The following COL5A1 variants were observed in gnomAD, a reference collection of about 807,000 sequenced individuals.
COL5A1 encodes the protein collagen type V alpha 1 chain, also known as collagen alpha-1(V) chain.
In COL5A1, 16 loss-of-function variants were observed where a neutral mutation model predicts 263.7. The ratio of observed to expected loss-of-function variants is 0.06; its 90% CI spans 0.04 to 0.09. The LOEUF (loss-of-function observed/expected upper bound fraction) is 0.09. COL5A1 is among the 10% of genes least tolerant of loss of function. COL5A1 has a pLI of 1.00. For synonymous variants in COL5A1, 1,012 were observed against 1,004.5 expected, an observed-to-expected ratio of 1.01 and a Z score of -0.14; for missense variants, 2,036 against 2,540.5, an observed-to-expected ratio of 0.80 and a Z score of 4.27.
chr9:134,784,910 T>A, intron 29 of COL5A1, 79 bp from the exon 30 acceptor site: 1 of 1,224,694 alleles, frequency 8.2e-7, no homozygotes, highest in Non-Finnish European at 1.2e-6. Flanking sequence ...GTCCCCTTGC[T>A]CCTTGCTCTC....
At chr9:134,701,591 G>A (rs776045433) in intron 4 of COL5A1, among the ~76,000 whole-genome samples, 44 of 152,342 alleles carry the variant, frequency 2.9e-4, no homozygotes, top group Admixed American at 2.4e-3. Context: ...GGCCCAGTAC[G>A]TGAGTCTCCT....
At chr9:134,750,947 G>A (rs1328338726) in intron 13 of COL5A1, 65 bp downstream of exon 13, 13 of 1,391,212 alleles carry the variant, frequency 9.3e-6, no homozygotes, top group Non-Finnish European at 1.3e-5. Flanking sequence ...GCCAACAGGA[G>A]TGAGTGAGTC....
chr9:134,820,193 C>T lies in COL5A1; in HGVS notation c.4524C>T (p.Pro1508=). Residue 1508 remains proline, a synonymous_variant, in exon 58 of 66, where the codon CCC becomes CCT. Coordinates refer to ENST00000371817, the MANE Select transcript of COL5A1 (RefSeq NM_000093.5). ...AGGGCGACCGTGGTCTCCCTGGCCC[C>T]CAGGGCTCCTCCGGTCCTAAGGGAG... The part of the protein sequence containing the change: ...GEKGDRGLPG[P]QGSSGPKGEQ... 1 of 1,613,978 alleles carries T rather than the reference C, an allele frequency of 6.2e-7. No homozygotes were observed. Among genetic ancestry groups the T allele is most frequent in the Non-Finnish European group, 8.5e-7 (1 of 1,180,006 alleles).
intron 27 of COL5A1, among the ~76,000 whole-genome samples, chr9:134,777,093 T>C (rs1293360593): frequency 6.6e-6 from 1 of 152,228 alleles, no homozygotes; most frequent in African/African-American, 2.4e-5. Context: ...TTGAGTTCAC[T>C]GACCTTTAGC....
intron 1 of COL5A1, among the ~76,000 whole-genome samples, chr9:134,666,950 G>A (rs527642831): frequency 6.6e-6 from 1 of 152,232 alleles, no homozygotes; most frequent in Non-Finnish European, 1.5e-5. Flanking sequence ...GGATGGGGAT[G>A]ACATGACCCC....
chr9:134,830,284 G>T, intron 64 of COL5A1: 3 of 1,139,506 alleles, frequency 2.6e-6, no homozygotes, highest in Middle Eastern at 2.8e-4. Context: ...CACCGCTCTT[G>T]CCAAACCGCT....
chr9:134,728,672 C>T lies in COL5A1; in HGVS notation c.789C>T (p.Tyr263=), dbSNP rs1834747250. Residue 263 remains tyrosine (Y), a splice_region_variant and synonymous_variant, in exon 6 of 66, where the codon TAC becomes TAT. Transcript: ENST00000371817. ...QSQDPNPDEY[Y]TEGDGEGETY... ...ACGGGGCCGCAATTCGCTTTCAGTA[C>T]ACGGAAGGAGACGGCGAGGGTGAGA... The T allele has an allele frequency of 1.9e-6, 3 of 1,614,070 alleles. No homozygotes were observed. In the East Asian group the frequency reaches 6.7e-5, roughly 36 times the overall value.
chr9:134,746,856 G>C (rs1221346703), intron 11 of COL5A1, among the ~76,000 whole-genome samples: 2 of 152,264 alleles, frequency 1.3e-5, no homozygotes, highest in Non-Finnish European at 2.9e-5. Flanking sequence ...TGACCTGTGT[G>C]TGGGCCTGCT....
rs372354538 is a variant in COL5A1 at position 134,691,117 on chromosome 9, C to T, written c.277+38C>T. 5.3e-5 allele frequency: 86 copies of T among 1,610,096 alleles called. No individual in the cohort carries two copies. The African/African-American group carries it at 8.0e-4, about 15-fold the overall frequency. On this transcript the variant is annotated intron_variant, in intron 2 of 65. Coordinates refer to ENST00000371817, the MANE Select transcript of COL5A1 (RefSeq NM_000093.5). ...CCCTTCTGTTTGGGGCGGTGGGTCC[C>T]GTTGGCCCTCTGGCCTCCAGCCAGG...
intron 63 of COL5A1, among the ~76,000 whole-genome samples, chr9:134,827,616 C>T (rs957047268): frequency 4.6e-5 from 7 of 152,208 alleles, no homozygotes; most frequent in Non-Finnish European, 7.3e-5. Context: ...CCTGGGAAGC[C>T]GCGGCTGGTG....
intron 11 of COL5A1, among the ~76,000 whole-genome samples, chr9:134,744,582 C>T (rs1835417638): frequency 6.6e-6 from 1 of 151,916 alleles, no homozygotes; most frequent in Admixed American, 6.6e-5. Flanking sequence ...CATGCACACA[C>T]ACTTACACAT....
At chr9:134,679,288 G>A (rs1016208878) in intron 1 of COL5A1, among the ~76,000 whole-genome samples, 36 of 149,726 alleles carry the variant, frequency 2.4e-4, no homozygotes, top group African/African-American at 7.9e-4. Flanking sequence ...GGGCACTGCC[G>A]GGCTGGTTGG....
chr9:134,773,302 C>A (rs1295357980), intron 26 of COL5A1, among the ~76,000 whole-genome samples: 2 of 152,222 alleles, frequency 1.3e-5, no homozygotes, highest in Non-Finnish European at 2.9e-5. Context: ...TCCTGCGGGG[C>A]CTGCTGGGCT....
In COL5A1 at chr9:134,817,096, G is replaced by C. The variant is rs1287790341; in HGVS notation, c.4176+17G>C. On this transcript the variant is annotated intron_variant, in intron 53 of 65. Transcript: ENST00000371817. Reference sequence around the variant, plus strand: ...GGAAAAAGGGTAAATAATCCTGCAGGCACATCCTTGCTGTCAAATCCCTGC... The same window carrying C: ...GGAAAAAGGGTAAATAATCCTGCAGCCACATCCTTGCTGTCAAATCCCTGC... The C allele has an allele frequency of 1.9e-6, 3 of 1,610,292 alleles. No individual in the cohort carries two copies. Among genetic ancestry groups the C allele is most frequent in the Non-Finnish European group, 8.5e-7 (1 of 1,176,762 alleles).
rs1483395049 is a variant in COL5A1, at chr9:134,765,634, G to A, written c.2035-47G>A. 3.2e-6 allele frequency: 5 copies of A among 1,561,264 alleles called. No individual in the cohort carries two copies. The South Asian group carries it at 5.6e-5, about 17-fold the overall frequency. On this transcript the variant is annotated intron_variant, in intron 20 of 65. Transcript: ENST00000371817. The surrounding 1 kb of genome is among the most constrained non-coding windows in gnomAD (Gnocchi z 5.1). The stretch of plus-strand genomic sequence containing the variant: ...GGCATAGGGGACAGAGAGGAGGGCT[G>A]GGATTTCTGCCCGAGTTTAAATCCT...
chr9:134,715,304 C>T (rs1458691230), intron 4 of COL5A1, among the ~76,000 whole-genome samples: 1 of 152,170 alleles, frequency 6.6e-6, no homozygotes, highest in East Asian at 1.9e-4. Context: ...CATGTCTCAC[C>T]TCCAGCCCTA....
In COL5A1 at chr9:134,758,275, G is replaced by A. The variant is rs544712595; in HGVS notation, c.1914G>A (p.Leu638=). 4.3e-6 allele frequency: 7 copies of A among 1,614,072 alleles called. No homozygotes were observed. In the East Asian group the frequency reaches 1.1e-4, roughly 26 times the overall value. The change falls in exon 18 of 66, where the codon TTG becomes TTA. Residue 638 remains leucine, a synonymous_variant. Coordinates refer to ENST00000371817, the MANE Select transcript of COL5A1 (RefSeq NM_000093.5). The surrounding 1 kb of genome is among the most constrained non-coding windows in gnomAD (Gnocchi z 4.1). ...GGGGTTTCGACGGCCTGGCTGGGTT[G>A]CCAGGCGAGAAGGGCCACAGGGTGA... is the stretch of plus-strand genomic sequence containing the variant. ...GDRGFDGLAG[L]PGEKGHRGDP...
Position 134,652,975 on chromosome 9 carries a change from GT to G in COL5A1, c.109+10681del. On this transcript the variant is annotated intron_variant, in intron 1 of 65. Coordinates refer to ENST00000371817, the MANE Select transcript of COL5A1 (RefSeq NM_000093.5). This position sits in a 1 kb window ranked among gnomAD's most constrained non-coding sequence, Gnocchi z 4.4. ...TGCCACACTTTGCAAACCACGAGTC[GT>G]TCTGCGTCCTCGAGCCCAGGGTCTT... 3.5e-6 allele frequency: 1 copy of G among 281,816 alleles called. No homozygotes were observed. The highest frequency in any genetic ancestry group is 7.2e-6 in the Non-Finnish European group (1 of 139,280). 17.5% of individuals were successfully genotyped at this position (281,816 alleles called of 1,614,324 possible).
chr9:134,659,173 C>CA (rs146002786), intron 1 of COL5A1, among the ~76,000 whole-genome samples: 16,867 of 152,070 alleles, frequency 0.11, 1,214 homozygotes, highest in Admixed American at 0.16. Flanking sequence ...GCGGGTGGAT[C>CA]ACAAGGTCAG....
Sources: gnomAD v4.1 joint callset for allele counts (sites outside exome capture counted in the v4.1 genomes callset) on GRCh38, gnomAD v4.1.1 for gene constraint, Gnocchi (gnomAD v3.1) non-coding constraint, MANE v1.5 for transcripts, NCBI Gene and HGNC (gene_info 2026-07-23, HGNC 2026-07-21) for gene names.